TMEM50A: variants seen among roughly 807,000 people sequenced by gnomAD.
The protein encoded by TMEM50A is transmembrane protein 50A.
Under a neutral mutation model 23.9 loss-of-function variants are expected in TMEM50A, and 8 were observed. The ratio of observed to expected loss-of-function variants is 0.33; its 90% CI spans 0.20 to 0.60. The LOEUF is 0.60. Among genes scored for constraint, TMEM50A ranks in the 20% least tolerant of loss-of-function variants. The pLI is 0.81. For missense variants in TMEM50A, 178 were observed against 192.7 expected (o/e 0.92, Z 0.45); for synonymous variants, 55 against 60.4 (o/e 0.91, Z 0.41).
rs573180713 is a variant in TMEM50A, at chr1:25,352,901, C to T, written c.294C>T (p.Phe98=). The change falls in exon 5 of 7, where the codon TTC becomes TTT. Residue 98 remains phenylalanine, a synonymous_variant. Transcript: ENST00000374358. ...TTGAAGGTGCTCGCATTTGGCTTTT[C>T]GTTGGTTTCATGTTGGCCTTTGGAT... ...LGQTGARIWL[F]VGFMLAFGSL... 49 of 1,612,590 alleles carry T rather than the reference C, an allele frequency of 3.0e-5. No individual in the cohort carries two copies. The highest frequency in any genetic ancestry group is 2.8e-4 in the South Asian group (25 of 90,856).
chr1:25,354,055 A>G (rs983782618), intron 5 of TMEM50A, among the ~76,000 whole-genome samples: 5 of 152,050 alleles, frequency 3.3e-5, no homozygotes, highest in Admixed American at 2.0e-4. Flanking sequence ...GCAGTGGCAC[A>G]ATCTCAGCTT....
rs1645395011 is a variant in TMEM50A at position 25,360,959 on chromosome 1, A to T, written c.*254A>T. Reference sequence around the variant, plus strand: ...AATTTTTGTCAAATTTTATCATGGTATAATTTGTAAAAATAAAAAGAAATT... The same window carrying T: ...AATTTTTGTCAAATTTTATCATGGTTTAATTTGTAAAAATAAAAAGAAATT... On this transcript the variant is annotated 3_prime_UTR_variant, in exon 7 of 7. Transcript: ENST00000374358. The T allele has an allele frequency of 2.7e-6, 1 of 376,908 alleles. No individual in the cohort carries two copies. The highest frequency in any genetic ancestry group is 4.8e-6 in the Non-Finnish European group (1 of 208,488). The allele number at this position is 376,908 out of a possible 1,614,324, so 23.3% of individuals were successfully genotyped here.
In TMEM50A at chr1:25,362,315, G is replaced by T; in HGVS notation, c.*1610G>T. The T allele has an allele frequency of 2.7e-6, 3 of 1,114,344 alleles. No homozygotes were observed. Among genetic ancestry groups the T allele is most frequent in the Non-Finnish European group, 3.8e-6 (3 of 780,282 alleles). 69.0% of individuals were successfully genotyped at this position (1,114,344 alleles called of 1,614,324 possible). On this transcript the variant is annotated 3_prime_UTR_variant, in exon 7 of 7. Coordinates refer to ENST00000374358, the MANE Select transcript of TMEM50A (RefSeq NM_014313.4). ...AAAATATTGATAGCATCATCCTAATGAAACTAAACATTTATTTTAAACTTA... is the reference window on the plus strand; with the variant it reads ...AAAATATTGATAGCATCATCCTAATTAAACTAAACATTTATTTTAAACTTA...
intron 5 of TMEM50A, among the ~76,000 whole-genome samples, chr1:25,356,227 T>C (rs1645332110): frequency 6.6e-6 from 1 of 152,064 alleles, no homozygotes; most frequent in South Asian, 2.1e-4. Context: ...AAAATCAGAG[T>C]CCTCACTGTG....
chr1:25,344,855 T>A (rs1190163793), intron 3 of TMEM50A, among the ~76,000 whole-genome samples: 1 of 152,090 alleles, frequency 6.6e-6, no homozygotes, highest in Non-Finnish European at 1.5e-5. Context: ...GTTTTTTGTT[T>A]TTCCTAGAGT....
chr1:25,360,374 A>T (rs1571811060), intron 6 of TMEM50A, among the ~76,000 whole-genome samples: 1 of 152,152 alleles, frequency 6.6e-6, no homozygotes, highest in South Asian at 2.1e-4. Context: ...AATCAGACAT[A>T]TAATGGTTAC....
chr1:25,346,311 T>G (rs749222212), intron 3 of TMEM50A, among the ~76,000 whole-genome samples: 8 of 152,136 alleles, frequency 5.3e-5, no homozygotes, highest in Non-Finnish European at 1.0e-4. Context: ...GAACAAGGTT[T>G]GAGGGAGGCA....
At position 25,351,604 on chromosome 1, in the gene TMEM50A, TG is replaced by T. The variant is rs773243757; in HGVS notation, c.207-20del. 48 of 1,592,016 alleles carry T rather than the reference TG, an allele frequency of 3.0e-5. No homozygotes were observed. The Middle Eastern group carries it at 1.0e-3, about 33-fold the overall frequency. ...ATTGGTGTCATGGACCCTGATTTCTTGGTTTTATTTTATTCATACAGGATTA... is the reference window on the plus strand; with the variant it reads ...ATTGGTGTCATGGACCCTGATTTCTTGTTTTATTTTATTCATACAGGATTA... On this transcript the variant is annotated intron_variant, in intron 3 of 6. Transcript: ENST00000374358.
chr1:25,356,983 G>A (rs575821809), intron 6 of TMEM50A, 130 bp downstream of exon 6: 13 of 645,030 alleles, frequency 2.0e-5, no homozygotes, highest in Non-Finnish European at 3.4e-5. Context: ...CATAAAACAT[G>A]GAGAGTAAGG....
chr1:25,339,382 G>C (rs1645142707), intron 1 of TMEM50A, among the ~76,000 whole-genome samples: 1 of 152,178 alleles, frequency 6.6e-6, no homozygotes, highest in African/African-American at 2.4e-5. Flanking sequence ...TATTAACCAC[G>C]ATTCTGTGCT....
chr1:25,341,354 G>T (rs1305405447), intron 2 of TMEM50A, among the ~76,000 whole-genome samples: 1 of 152,160 alleles, frequency 6.6e-6, no homozygotes, highest in South Asian at 2.1e-4. Context: ...GCTTCCCGGG[G>T]TTCACGCCAT....
At chr1:25,339,141 T>C (rs1202814847) in intron 1 of TMEM50A, among the ~76,000 whole-genome samples, 1 of 152,236 alleles carries the variant, frequency 6.6e-6, no homozygotes, top group Non-Finnish European at 1.5e-5. Context: ...TGGACAACCA[T>C]AATTGCTGGC....
intron 6 of TMEM50A, among the ~76,000 whole-genome samples, chr1:25,358,621 G>T (rs746783068): frequency 6.6e-6 from 1 of 152,204 alleles, no homozygotes; most frequent in South Asian, 2.1e-4. Flanking sequence ...TGTAAACTTA[G>T]ATGTGACAAG....
chr1:25,343,501 AAGG>A (rs1387001459), intron 3 of TMEM50A, among the ~76,000 whole-genome samples: 8 of 152,202 alleles, frequency 5.3e-5, no homozygotes, highest in Non-Finnish European at 4.4e-5. Context: ...AAAATAGAGA[AAGG>A]AGATATGTGC....
intron 6 of TMEM50A, among the ~76,000 whole-genome samples, chr1:25,360,200 T>A (rs1645382829): frequency 6.6e-6 from 1 of 151,900 alleles, no homozygotes; most frequent in Non-Finnish European, 1.5e-5. Context: ...ATACAAAAAA[T>A]TAGCCGGGTA....
rs143345950 is a variant in TMEM50A at position 25,340,531 on chromosome 1, C to T, written c.45C>T (p.Asp15=). 1 of 1,613,730 alleles carries T rather than the reference C, an allele frequency of 6.2e-7. No individual in the cohort carries two copies. The highest frequency in any genetic ancestry group is 8.5e-7 in the Non-Finnish European group (1 of 1,179,928). ...LEGLRCSECI[D]WGEKRNTIAS... ...GCTTGAGATGCTCAGAATGCATTGA[C>T]TGGGGGGAAAAGCGCAATACTATTG... is the stretch of plus-strand genomic sequence containing the variant. The change falls in exon 2 of 7, where the codon GAC becomes GAT. Residue 15 remains aspartate (D), a synonymous_variant. Coordinates refer to ENST00000374358, the MANE Select transcript of TMEM50A (RefSeq NM_014313.4).
At chr1:25,353,467 G>A (rs1645301448) in intron 5 of TMEM50A, among the ~76,000 whole-genome samples, 1 of 152,078 alleles carries the variant, frequency 6.6e-6, no homozygotes, top group Admixed American at 6.6e-5. Context: ...ATTTTTTATA[G>A]AGATGGATCT....
At chr1:25,359,512 A>AG (rs897485796) in intron 6 of TMEM50A, among the ~76,000 whole-genome samples, 7 of 151,610 alleles carry the variant, frequency 4.6e-5, no homozygotes, top group Admixed American at 2.0e-4. Flanking sequence ...AGCTTTAAAA[A>AG]AAAAAAAAAT....
chr1:25,347,788 G>A (rs1005782412), intron 3 of TMEM50A, among the ~76,000 whole-genome samples: 14 of 152,154 alleles, frequency 9.2e-5, no homozygotes, highest in African/African-American at 3.4e-4. Context: ...ATAGCAAAGG[G>A]CTGTGGTCTT....
Sources: allele counts gnomAD v4.1 joint callset (sites outside exome capture counted in the v4.1 genomes callset), GRCh38; gene constraint gnomAD v4.1.1; transcripts MANE v1.5; gene names NCBI Gene and HGNC (gene_info 2026-07-23, HGNC 2026-07-21).